CAMKMT: variants seen among roughly 807,000 people sequenced by gnomAD.
CAMKMT encodes calmodulin-lysine N-methyltransferase.
A neutral mutation model predicts 48.0 loss-of-function variants in CAMKMT; 53 were observed. That is an observed-to-expected ratio of 1.10 (90% CI 0.89 to 1.39). The LOEUF (loss-of-function observed/expected upper bound fraction) is 1.39, where lower values mean the gene tolerates loss of function less well. Ranked by LOEUF, CAMKMT falls within the 40% of genes most tolerant of loss-of-function variation. CAMKMT has a pLI of 0.00. For missense variants in CAMKMT, 428 were observed against 402.7 expected (o/e 1.06, Z -0.54); for synonymous variants, 165 against 152.3 (o/e 1.08, Z -0.61).
chr2:44,542,839 G>T (rs1400367943), intron 3 of CAMKMT, among the ~76,000 whole-genome samples: 1 of 152,080 alleles, frequency 6.6e-6, no homozygotes, highest in Admixed American at 6.5e-5. Context: ...TTCATCTGGT[G>T]AGCTGTGTGT....
intron 3 of CAMKMT, among the ~76,000 whole-genome samples, chr2:44,580,576 T>G (rs1238762053): frequency 6.6e-6 from 1 of 152,196 alleles, no homozygotes; most frequent in African/African-American, 2.4e-5. Flanking sequence ...TATTGTTCAT[T>G]TAGGGCCACT....
At chr2:44,656,366 A>T (rs114296290) in intron 3 of CAMKMT, among the ~76,000 whole-genome samples, 2,742 of 150,850 alleles carry the variant, frequency 0.018, 30 homozygotes, top group African/African-American at 0.037. Flanking sequence ...TTTTTTTTTT[A>T]AAAAAATGAA....
chr2:44,487,135 A>C (rs796890455), intron 3 of CAMKMT, among the ~76,000 whole-genome samples: 1 of 152,236 alleles, frequency 6.6e-6, no homozygotes, highest in African/African-American at 2.4e-5. Flanking sequence ...TCAAAATAAA[A>C]AAAAGTTTAT....
Position 44,707,493 on chromosome 2 carries a change from T to A in CAMKMT, c.556+31T>A, listed in dbSNP as rs1306418408. Reference sequence around the variant, plus strand: ...CTTATTCAGATAGAAAACGGGTTTGTTGTGCTCATTCCTTTTTCCTGGCTG... The same window carrying A: ...CTTATTCAGATAGAAAACGGGTTTGATGTGCTCATTCCTTTTTCCTGGCTG... On this transcript the variant is annotated intron_variant, in intron 6 of 10. Coordinates refer to ENST00000378494, the MANE Select transcript of CAMKMT (RefSeq NM_024766.5). 4 of 1,583,912 alleles carry A rather than the reference T, an allele frequency of 2.5e-6. No individual in the cohort carries two copies. The South Asian group carries it at 4.5e-5, about 18-fold the overall frequency.
chr2:44,624,341 T>A (rs1233857396), intron 3 of CAMKMT, among the ~76,000 whole-genome samples: 2 of 152,130 alleles, frequency 1.3e-5, no homozygotes, highest in African/African-American at 4.8e-5. Context: ...TTTTTTATTA[T>A]TATACTTTAA....
intron 3 of CAMKMT, among the ~76,000 whole-genome samples, chr2:44,525,128 T>C (rs1267097686): frequency 6.6e-6 from 1 of 152,222 alleles, no homozygotes; most frequent in Non-Finnish European, 1.5e-5. Flanking sequence ...GGCATTTATA[T>C]AAATTTTATA....
At chr2:44,457,992 A>G (rs1667657627) in intron 3 of CAMKMT, among the ~76,000 whole-genome samples, 2 of 149,482 alleles carry the variant, frequency 1.3e-5, no homozygotes, top group Non-Finnish European at 1.5e-5. Flanking sequence ...AGTCAGATTA[A>G]TCTGGGTTTG....
intron 3 of CAMKMT, among the ~76,000 whole-genome samples, chr2:44,401,719 A>G (rs1219956651): frequency 6.6e-6 from 1 of 152,166 alleles, no homozygotes; most frequent in Non-Finnish European, 1.5e-5. Flanking sequence ...TTTTATTTGT[A>G]CATTTTTAAG....
chr2:44,608,013 T>C (rs926113042), intron 3 of CAMKMT, among the ~76,000 whole-genome samples: 5 of 151,770 alleles, frequency 3.3e-5, no homozygotes, highest in African/African-American at 1.2e-4. Flanking sequence ...TATAATTTTA[T>C]CCTTAAATAC....
chr2:44,620,162 TG>T (rs1264133076), intron 3 of CAMKMT, among the ~76,000 whole-genome samples: 5 of 152,248 alleles, frequency 3.3e-5, no homozygotes, highest in Non-Finnish European at 5.9e-5. Context: ...AGTATTCAGA[TG>T]TCATTTATTG....
chr2:44,720,144 C>T (rs1053889482), intron 7 of CAMKMT, among the ~76,000 whole-genome samples: 3 of 152,082 alleles, frequency 2.0e-5, no homozygotes, highest in Non-Finnish European at 4.4e-5. Context: ...GAACGTTAGC[C>T]GGTTCAGCTA....
intron 9 of CAMKMT, 106 bp from the exon 10 acceptor site, chr2:44,766,324 G>C: frequency 8.2e-7 from 1 of 1,217,916 alleles, no homozygotes; most frequent in South Asian, 1.3e-5. Flanking sequence ...AAGAACAATT[G>C]AGTTTTTCTA....
chr2:44,619,481 G>A (rs1186801708), intron 3 of CAMKMT, among the ~76,000 whole-genome samples: 2 of 138,228 alleles, frequency 1.4e-5, no homozygotes, highest in Non-Finnish European at 1.6e-5. Flanking sequence ...ATATATATAT[G>A]CATCTGCAAA....
chr2:44,400,415 C>G (rs1199506552), intron 3 of CAMKMT, among the ~76,000 whole-genome samples: 1 of 151,860 alleles, frequency 6.6e-6, no homozygotes, highest in Non-Finnish European at 1.5e-5. Context: ...ATGGAATGAG[C>G]AGGGTCTTTA....
intron 3 of CAMKMT, among the ~76,000 whole-genome samples, chr2:44,491,426 C>T (rs1466479571): frequency 6.6e-6 from 1 of 151,962 alleles, no homozygotes; most frequent in Non-Finnish European, 1.5e-5. Context: ...TCATGTAGAC[C>T]ACTCCTACCA....
At chr2:44,438,495 T>C (rs755494144) in intron 3 of CAMKMT, among the ~76,000 whole-genome samples, 1 of 152,232 alleles carries the variant, frequency 6.6e-6, no homozygotes, top group Non-Finnish European at 1.5e-5. Flanking sequence ...AGAGTAGTCC[T>C]CAACAACTAT....
intron 3 of CAMKMT, among the ~76,000 whole-genome samples, chr2:44,441,726 C>T (rs1173413551): frequency 6.6e-6 from 1 of 152,074 alleles, no homozygotes; most frequent in South Asian, 2.1e-4. Context: ...TATGTATTCT[C>T]CTTATATAAC....
intron 3 of CAMKMT, among the ~76,000 whole-genome samples, chr2:44,483,818 C>T (rs573000133): frequency 3.3e-5 from 5 of 152,158 alleles, no homozygotes; most frequent in South Asian, 2.1e-4. Flanking sequence ...TTGTGATTCC[C>T]GTTGATTTTA....
intron 3 of CAMKMT, among the ~76,000 whole-genome samples, chr2:44,619,505 G>T (rs1179530810): frequency 6.6e-6 from 1 of 152,172 alleles, no homozygotes; most frequent in Non-Finnish European, 1.5e-5. Flanking sequence ...ATATGTGTGT[G>T]TATATATAAA....
Sources: gnomAD v4.1 joint callset for allele counts (sites outside exome capture counted in the v4.1 genomes callset) on GRCh38, gnomAD v4.1.1 for gene constraint, MANE v1.5 for transcripts, NCBI Gene and HGNC (gene_info 2026-07-23, HGNC 2026-07-21) for gene names.